The following RNF214 variants were observed in gnomAD, a reference collection of about 807,000 sequenced individuals.
The protein encoded by RNF214 is ring finger protein 214.
In RNF214, 25 loss-of-function variants were observed where a neutral mutation model predicts 75.9. The observed-to-expected ratio is 0.33, with a 90% CI of 0.24 to 0.46. The LOEUF (loss-of-function observed/expected upper bound fraction) is 0.46. Ranked by LOEUF, RNF214 falls within the 20% of genes least tolerant of loss-of-function variation. The pLI, the probability that RNF214 is intolerant of heterozygous loss-of-function variation, is 1.00. For missense variants in RNF214, 725 were observed against 857.5 expected, an observed-to-expected ratio of 0.85 and a Z score of 1.93; for synonymous variants, 314 against 308.8, an observed-to-expected ratio of 1.02 and a Z score of -0.18.
chr11:117,274,557 G>A (rs532592829), intron 6 of RNF214, among the ~76,000 whole-genome samples: 3 of 151,512 alleles, frequency 2.0e-5, no homozygotes, highest in South Asian at 2.1e-4. Flanking sequence ...TAGTAGAGAC[G>A]AGGTTTCACC....
intron 5 of RNF214, 156 bp from the exon 6 acceptor site, chr11:117,246,653 C>CT (rs2033233404): frequency 3.4e-6 from 1 of 296,658 alleles, no homozygotes; most frequent in South Asian, 1.3e-4. Flanking sequence ...TGAATACTGG[C>CT]TTTTGGAGCT....
chr11:117,280,260 G>A lies in RNF214; in HGVS notation c.1145+1G>A. ...CAGAATTGCACCTTACTTACCTCAA[G>A]TAAGTACCTTTCCGTTCTAGAGCTT... is the stretch of plus-strand genomic sequence containing the variant. On this transcript the variant is annotated splice_donor_variant, in intron 8 of 14. Coordinates refer to ENST00000300650, the MANE Select transcript of RNF214 (RefSeq NM_207343.4). LOFTEE classifies it high-confidence loss of function. 6.3e-7 allele frequency: 1 copy of A among 1,587,992 alleles called. No homozygotes were observed. The highest frequency in any genetic ancestry group is 8.6e-7 in the Non-Finnish European group (1 of 1,156,834).
At chr11:117,247,213 G>T (rs2033247182) in intron 6 of RNF214, among the ~76,000 whole-genome samples, 2 of 152,314 alleles carry the variant, frequency 1.3e-5, no homozygotes, top group South Asian at 4.1e-4. Context: ...ATACGGGCTG[G>T]ACGTAGCGGC....
At chr11:117,239,564 G>C (rs976889434) in intron 3 of RNF214, 3 of 529,058 alleles carry the variant, frequency 5.7e-6, no homozygotes, top group African/African-American at 3.8e-5. Flanking sequence ...TCTCAGACTT[G>C]AGGCTTTCTC....
intron 6 of RNF214, among the ~76,000 whole-genome samples, chr11:117,255,815 C>T (rs1157242754): frequency 1.3e-5 from 2 of 152,162 alleles, no homozygotes; most frequent in East Asian, 3.8e-4. Flanking sequence ...TTCTTTGCTT[C>T]CTGCCTGCCT....
chr11:117,249,272 C>T (rs2033309184), intron 6 of RNF214, among the ~76,000 whole-genome samples: 2 of 152,074 alleles, frequency 1.3e-5, no homozygotes, highest in Admixed American at 1.3e-4. Flanking sequence ...AACAAACTCA[C>T]TTTTACTCTT....
At position 117,233,713 on chromosome 11, in the gene RNF214, C is replaced by T. The variant is rs1317803189; in HGVS notation, c.-6-554C>T. Among the ~76,000 whole-genome samples the T allele has an allele frequency of 2.0e-5, 3 of 152,222 alleles. No homozygotes were observed. The East Asian group carries it at 5.8e-4, about 29-fold the overall frequency. ...TGTTCTTTGCTCAGTTAGTGGGTATCAGGCCTTTCCCATCTGTGGGGAGCA... is the reference window on the plus strand; with the variant it reads ...TGTTCTTTGCTCAGTTAGTGGGTATTAGGCCTTTCCCATCTGTGGGGAGCA... On this transcript the variant is annotated intron_variant, in intron 1 of 14. Coordinates refer to ENST00000300650, the MANE Select transcript of RNF214 (RefSeq NM_207343.4).
intron 6 of RNF214, among the ~76,000 whole-genome samples, chr11:117,271,547 C>G (rs1172283753): frequency 6.6e-6 from 1 of 152,198 alleles, no homozygotes; most frequent in East Asian, 1.9e-4. Flanking sequence ...TTTAGGGCCA[C>G]AGGATAAATC....
intron 6 of RNF214, among the ~76,000 whole-genome samples, chr11:117,265,516 C>A (rs138333610): frequency 1.3e-5 from 2 of 151,942 alleles, no homozygotes; most frequent in South Asian, 2.1e-4. Context: ...AGGGTTCAAG[C>A]GATTCTCCTG....
chr11:117,241,514 A>T (rs769450408), intron 4 of RNF214, among the ~76,000 whole-genome samples: 30 of 150,014 alleles, frequency 2.0e-4, no homozygotes, highest in Non-Finnish European at 3.7e-4. Context: ...CGGGAGGTAG[A>T]GGTTGCAGTA....
intron 5 of RNF214, among the ~76,000 whole-genome samples, chr11:117,244,909 AC>A (rs1468264729): frequency 6.6e-6 from 1 of 151,368 alleles, no homozygotes; most frequent in African/African-American, 2.4e-5. Flanking sequence ...CAAGAAATCC[AC>A]CCGCCTTGGC....
intron 6 of RNF214, among the ~76,000 whole-genome samples, chr11:117,264,706 C>G (rs1436981492): frequency 6.6e-6 from 1 of 152,018 alleles, no homozygotes; most frequent in Non-Finnish European, 1.5e-5. Context: ...TTACTTTTTA[C>G]ATGGTATATG....
At chr11:117,244,655 AAAC>A (rs2033165100) in intron 5 of RNF214, 70 bp downstream of exon 5, 1 of 1,185,920 alleles carries the variant, frequency 8.4e-7, no homozygotes, top group African/African-American at 1.8e-5. Context: ...ATTTTTTAAA[AAAC>A]TTTATTTATT....
chr11:117,245,734 A>G (rs12286525), intron 5 of RNF214, among the ~76,000 whole-genome samples: 45,110 of 152,048 alleles, frequency 0.3, 7,357 homozygotes, highest in East Asian at 0.63. Flanking sequence ...CTTATTGACA[A>G]TACATTCATG....
At chr11:117,265,645 C>T (rs1226486986) in intron 6 of RNF214, among the ~76,000 whole-genome samples, 1 of 152,126 alleles carries the variant, frequency 6.6e-6, no homozygotes, top group Non-Finnish European at 1.5e-5. Context: ...AAACTCCTGA[C>T]CTCAGGTGAT....
chr11:117,274,427 A>G (rs575223616), intron 6 of RNF214, among the ~76,000 whole-genome samples: 4 of 146,684 alleles, frequency 2.7e-5, no homozygotes, highest in South Asian at 2.2e-4. Flanking sequence ...CAATGGCACA[A>G]TCTTGGCTCA....
At chr11:117,270,143 A>G (rs2033877904) in intron 6 of RNF214, among the ~76,000 whole-genome samples, 1 of 152,042 alleles carries the variant, frequency 6.6e-6, no homozygotes, top group Non-Finnish European at 1.5e-5. Flanking sequence ...GTGCTTCTGG[A>G]AAGAGGACCA....
intron 2 of RNF214, among the ~76,000 whole-genome samples, chr11:117,235,495 CTTT>C (rs764468370): frequency 8.3e-6 from 1 of 120,616 alleles, no homozygotes; most frequent in Non-Finnish European, 1.7e-5. Flanking sequence ...CACGCCCAGC[CTTT>C]TTTTTTTTTT....
intron 1 of RNF214, among the ~76,000 whole-genome samples, chr11:117,233,856 C>G (rs571648648): frequency 6.6e-6 from 1 of 152,302 alleles, no homozygotes; most frequent in Non-Finnish European, 1.5e-5. Context: ...ATGTAACAGC[C>G]ATAAAGTGAT....
Sources: allele counts gnomAD v4.1 joint callset (sites outside exome capture counted in the v4.1 genomes callset), GRCh38; gene constraint gnomAD v4.1.1; transcripts MANE v1.5; gene names NCBI Gene and HGNC (gene_info 2026-07-23, HGNC 2026-07-21).